The following HACL1 variants were observed in gnomAD, a reference collection of about 807,000 sequenced individuals.
The protein encoded by HACL1 is 2-hydroxyacyl-CoA lyase 1.
HACL1 carries 64 observed loss-of-function variants against 74.2 expected under a neutral mutation model. The observed-to-expected ratio is 0.86, with a 90% CI of 0.70 to 1.06. HACL1 has a LOEUF of 1.06. Among genes scored for constraint, HACL1 ranks in the 50% least tolerant of loss-of-function variants. HACL1 has a pLI of 0.00. For missense variants in HACL1, 728 were observed against 719.7 expected (o/e 1.01, Z -0.13); for synonymous variants, 230 against 238.8 (o/e 0.96, Z 0.34).
At chr3:15,594,473 A>C (rs1396966837) in intron 3 of HACL1, among the ~76,000 whole-genome samples, 1 of 152,228 alleles carries the variant, frequency 6.6e-6, no homozygotes. Flanking sequence ...CACTCGGGAA[A>C]AAGGTATCTC....
intron 7 of HACL1, among the ~76,000 whole-genome samples, chr3:15,584,112 T>C (rs937277052): frequency 1.3e-5 from 2 of 152,200 alleles, no homozygotes; most frequent in Non-Finnish European, 2.9e-5. Context: ...GTATAAAATT[T>C]AGACATATTG....
Position 15,571,761 on chromosome 3 carries a change from C to A in HACL1, c.1002G>T (p.Glu334Asp). 7.8e-7 allele frequency: 1 copy of A among 1,284,564 alleles called. No homozygotes were observed. Among genetic ancestry groups the A allele is most frequent in the Non-Finnish European group, 1.1e-6 (1 of 907,868 alleles). 79.6% of individuals were successfully genotyped at this position (1,284,564 alleles called of 1,614,324 possible). Residue 334 changes from glutamate (E) to aspartate (D), a missense_variant, in exon 12 of 17, where the codon GAG becomes GAT. By Grantham distance (45) the Glu-to-Asp change is conservative (BLOSUM62 2). Transcript: ENST00000321169. ...ACTGCCATGGTGTTTTATCAAGTTC[C>A]TCTAAAAGCTTAAAAAAAAAAAAAC... is the stretch of plus-strand genomic sequence containing the variant. ...NIHAVTKQLL[E>D]ELDKTPWQYP...
intron 10 of HACL1, among the ~76,000 whole-genome samples, chr3:15,573,886 A>C (rs984333144): frequency 6.6e-6 from 1 of 152,214 alleles, no homozygotes; most frequent in African/African-American, 2.4e-5. Context: ...GCCACCCCAA[A>C]GGGGATGTAT....
chr3:15,563,651 C>G (rs1432900517), intron 15 of HACL1, 107 bp from the exon 16 acceptor site: 7 of 661,686 alleles, frequency 1.1e-5, no homozygotes, highest in Non-Finnish European at 1.8e-5. Flanking sequence ...AACTCAAAGG[C>G]ATACTTTTAT....
At chr3:15,577,967 A>T (rs1415853605) in intron 9 of HACL1, among the ~76,000 whole-genome samples, 1 of 151,780 alleles carries the variant, frequency 6.6e-6, no homozygotes, top group African/African-American at 2.4e-5. Context: ...GTGTGGTGGC[A>T]GGCGCCTGTA....
At chr3:15,590,836 T>G (rs1488563079) in intron 4 of HACL1, among the ~76,000 whole-genome samples, 2 of 152,210 alleles carry the variant, frequency 1.3e-5, no homozygotes, top group Non-Finnish European at 2.9e-5. Context: ...ATCCCAGCAC[T>G]TTGGGAAGCC....
intron 14 of HACL1, among the ~76,000 whole-genome samples, chr3:15,566,815 CTT>C (rs1156234795): frequency 0.022 from 2,014 of 92,302 alleles, 27 homozygotes; most frequent in African/African-American, 0.076. Context: ...GGTTAAGTGA[CTT>C]TTTTTTTTTT....
At position 15,601,174 on chromosome 3, in the gene HACL1, G is replaced by T; in HGVS notation, c.102C>A (p.Gly34=). ...TTTCGGTCACTGGGATGCCTACGATGCCAAATATGTACTCCACATCCTGAG... is the reference window on the plus strand; with the variant it reads ...TTTCGGTCACTGGGATGCCTACGATTCCAAATATGTACTCCACATCCTGAG... ...LKTQDVEYIF[G]IVGIPVTEIA... is the part of the protein sequence containing the mutation. The change falls in exon 2 of 17, where the codon GGC becomes GGA. Residue 34 remains glycine, a synonymous_variant. Transcript: ENST00000321169. The T allele has an allele frequency of 6.2e-7, 1 of 1,612,688 alleles. No individual in the cohort carries two copies. The highest frequency in any genetic ancestry group is 8.5e-7 in the Non-Finnish European group (1 of 1,178,662).
chr3:15,596,260 T>C, intron 3 of HACL1, 124 bp downstream of exon 3: 2 of 650,708 alleles, frequency 3.1e-6, no homozygotes, highest in Admixed American at 5.0e-5. Flanking sequence ...AAATGTTTTT[T>C]ATCCTTTGTT....
intron 6 of HACL1, 112 bp downstream of exon 6, chr3:15,586,413 G>A: frequency 1.6e-6 from 1 of 632,976 alleles, no homozygotes; most frequent in Non-Finnish European, 2.8e-6. Context: ...ATTTTTAACT[G>A]CCTGGGTATG....
At position 15,573,221 on chromosome 3, in the gene HACL1, A is replaced by G. The variant is rs1243623082; in HGVS notation, c.931T>C (p.Leu311=). ...ACAGCGGGCTTTACATTATTCCCCA[A>G]TTCTTCTGCACAGATATCAACCTAA... is the stretch of plus-strand genomic sequence containing the variant. The part of the protein sequence containing the change: ...FIQVDICAEE[L]GNNVKPAVTL... The change falls in exon 11 of 17, where the codon TTG becomes CTG. Residue 311 remains leucine, a synonymous_variant. Coordinates refer to ENST00000321169, the MANE Select transcript of HACL1 (RefSeq NM_012260.4). 1.9e-6 allele frequency: 3 copies of G among 1,606,232 alleles called. No individual in the cohort carries two copies. In the African/African-American group the frequency reaches 4.0e-5, roughly 21 times the overall value.
At chr3:15,581,542 T>C (rs1438148770) in intron 8 of HACL1, among the ~76,000 whole-genome samples, 4 of 152,218 alleles carry the variant, frequency 2.6e-5, no homozygotes, top group Non-Finnish European at 1.5e-5. Context: ...CTCCTTCCTG[T>C]CTCAATGTCT....
At chr3:15,588,075 G>A (rs1411227591) in intron 5 of HACL1, among the ~76,000 whole-genome samples, 1 of 151,918 alleles carries the variant, frequency 6.6e-6, no homozygotes. Flanking sequence ...TGTATTTTTA[G>A]TAGAGACAGA....
At chr3:15,571,557 C>T in intron 12 of HACL1, 111 bp downstream of exon 12, 1 of 726,196 alleles carries the variant, frequency 1.4e-6, no homozygotes, top group Non-Finnish European at 2.5e-6. Context: ...GTTTTCACTG[C>T]ACAATTTTGC....
chr3:15,584,922 C>T lies in HACL1; in HGVS notation c.554+326G>A, dbSNP rs541089905. 2.0e-5 allele frequency among the ~76,000 whole-genome samples: 3 copies of T among 152,110 alleles called. No homozygotes were observed. In the East Asian group the frequency reaches 5.8e-4, roughly 29 times the overall value. ...TAATACTTTTTAATAATCACCCAAC[C>T]TCTTGGCTTACATTATAAAGATTCT... On this transcript the variant is annotated intron_variant, in intron 7 of 16. Transcript: ENST00000321169.
chr3:15,568,329 A>G, intron 13 of HACL1, 103 bp downstream of exon 13: 1 of 758,946 alleles, frequency 1.3e-6, no homozygotes, highest in Non-Finnish European at 2.2e-6. Context: ...TTACATACTA[A>G]ACATGTATTA....
rs758722416 is a variant in HACL1 at position 15,582,927 on chromosome 3, G to A, written c.617C>T (p.Ala206Val). The A allele has an allele frequency of 3.1e-6, 5 of 1,611,932 alleles. No individual in the cohort carries two copies. Among genetic ancestry groups the A allele is most frequent in the East Asian group, 2.2e-5 (1 of 44,838 alleles). The change falls in exon 8 of 17, where the codon GCG (alanine) becomes GTG (valine). Residue 206 changes from alanine to valine, a missense_variant. By Grantham distance (64) the Ala-to-Val change is moderately conservative (BLOSUM62 0). Coordinates refer to ENST00000321169, the MANE Select transcript of HACL1 (RefSeq NM_012260.4). ...SMAETSAVCT[A>V]ASVIRNAKQP... ...TTTGGCATTCCTAATAACAGAAGCC[G>A]CCGTGCACACAGCAGAGGTTTCTGC...
chr3:15,596,377 A>T lies in HACL1; in HGVS notation c.227+7T>A. ...AAGTAATTGAAGTGAAACAAATTTT[A>T]GTTTACCTGCTTGTCAGATATCCAA... is the stretch of plus-strand genomic sequence containing the variant. On this transcript the variant is annotated splice_region_variant and intron_variant, in intron 3 of 16. Transcript: ENST00000321169. The T allele has an allele frequency of 6.5e-7, 1 of 1,545,434 alleles. No homozygotes were observed. Among genetic ancestry groups the T allele is most frequent in the Non-Finnish European group, 8.9e-7 (1 of 1,117,620 alleles).
Position 15,585,241 on chromosome 3 carries a change from TACTC to T in HACL1, c.554+3_554+6del, listed in dbSNP as rs1180168230. 7.4e-7 allele frequency: 1 copy of T among 1,344,002 alleles called. No homozygotes were observed. The highest frequency in any genetic ancestry group is 1.7e-5 in the Admixed American group (1 of 59,248). The allele number at this position is 1,344,002 out of a possible 1,614,324, so 83.3% of individuals were successfully genotyped here. A position where few individuals can be genotyped will look rare whatever the true frequency, so the allele number is the denominator to read the frequency against. On this transcript the variant is annotated splice_donor_5th_base_variant and intron_variant, in intron 7 of 16. Transcript: ENST00000321169. ...GAAGAAAGAATTCCAGCATAACTAT[TACTC>T]ACTTTATAGAATTCACATTCACCTG... is the stretch of plus-strand genomic sequence containing the variant.
Sources: allele counts gnomAD v4.1 joint callset (sites outside exome capture counted in the v4.1 genomes callset), GRCh38; gene constraint gnomAD v4.1.1; transcripts MANE v1.5; gene names NCBI Gene and HGNC (gene_info 2026-07-23, HGNC 2026-07-21).